The following GRM7 variants were observed in gnomAD, a reference collection of about 807,000 sequenced individuals.
GRM7 encodes glutamate metabotropic receptor 7.
Under a neutral mutation model 84.5 loss-of-function variants are expected in GRM7, and 35 were observed. That is an observed-to-expected ratio of 0.41 (90% CI 0.32 to 0.55). The LOEUF is 0.55. GRM7 is among the 20% of genes least tolerant of loss of function. The probability of loss-of-function intolerance (pLI) is 0.19; values close to 1 mark genes in which losing one functional copy is unlikely to be tolerated. For synonymous variants in GRM7, 487 were observed against 455.1 expected, an observed-to-expected ratio of 1.07 and a Z score of -0.89; for missense variants, 1,003 against 1,194.6, an observed-to-expected ratio of 0.84 and a Z score of 2.36.
chr3:7,448,196 G>A (rs1009748234), intron 5 of GRM7, among the ~76,000 whole-genome samples: 5 of 151,072 alleles, frequency 3.3e-5, no homozygotes, highest in Non-Finnish European at 7.4e-5. Flanking sequence ...TGTGAATAAT[G>A]CCGCAATAAA....
chr3:7,296,367 C>A (rs554823068), intron 2 of GRM7, among the ~76,000 whole-genome samples: 51 of 151,824 alleles, frequency 3.4e-4, no homozygotes, highest in Middle Eastern at 3.3e-3. Flanking sequence ...TTGGTAATAT[C>A]TTTTCCTGGT....
chr3:7,278,153 T>G (rs1699137531), intron 2 of GRM7, among the ~76,000 whole-genome samples: 1 of 152,036 alleles, frequency 6.6e-6, no homozygotes, highest in Admixed American at 6.6e-5. Context: ...GCACAAAGAC[T>G]TTACCTAAGA....
chr3:7,267,971 G>T (rs4095095), intron 2 of GRM7, among the ~76,000 whole-genome samples: 2 of 151,764 alleles, frequency 1.3e-5, no homozygotes, highest in African/African-American at 4.8e-5. Context: ...AGTTAGTGCC[G>T]TTAGAAAGAA....
At chr3:7,196,309 T>G (rs1695877271) in intron 2 of GRM7, among the ~76,000 whole-genome samples, 1 of 152,114 alleles carries the variant, frequency 6.6e-6, no homozygotes, top group Non-Finnish European at 1.5e-5. Context: ...TCCACCCATT[T>G]AAATGTTAAT....
intron 2 of GRM7, among the ~76,000 whole-genome samples, chr3:7,258,409 A>G (rs1167073074): frequency 6.6e-6 from 1 of 152,152 alleles, no homozygotes; most frequent in Non-Finnish European, 1.5e-5. Context: ...AAGAGGTAAC[A>G]TTACTGAAGA....
intron 1 of GRM7, among the ~76,000 whole-genome samples, chr3:6,881,326 G>T (rs1421260717): frequency 6.6e-6 from 1 of 151,948 alleles, no homozygotes; most frequent in Non-Finnish European, 1.5e-5. Context: ...AGTGTGTGTT[G>T]TTCCCCTCCC....
chr3:7,188,501 A>G lies in GRM7; in HGVS notation c.736+41833A>G, dbSNP rs1004388882. 6.6e-6 allele frequency among the ~76,000 whole-genome samples: 1 copy of G among 152,166 alleles called. No homozygotes were observed. Among genetic ancestry groups the G allele is most frequent in the Non-Finnish European group, 1.5e-5 (1 of 68,026 alleles). The stretch of plus-strand genomic sequence containing the variant: ...ATTTGAAAAGTAAAGTAAAATACCC[A>G]TCAGAGGCCTCAAAACCTAAAATAT... On this transcript the variant is annotated intron_variant, in intron 2 of 9. Transcript: ENST00000357716. The surrounding 1 kb of genome is among the most constrained non-coding windows in gnomAD (Gnocchi z 4.2).
chr3:7,616,832 C>T (rs73021818), intron 8 of GRM7, among the ~76,000 whole-genome samples: 23,078 of 151,920 alleles, frequency 0.15, 2,033 homozygotes, highest in Middle Eastern at 0.31. Flanking sequence ...GGATGAAAAA[C>T]CTGAAAATTT....
In GRM7 at chr3:7,233,125, C is replaced by A. The variant is rs116324025; in HGVS notation, c.737-65559C>A. ...AGGATATTTTTCTTAACTTCAAAAA[C>A]TGATTATATGTTCTTGAAATAGAGA... On this transcript the variant is annotated intron_variant, in intron 2 of 9. Coordinates refer to ENST00000357716, the MANE Select transcript of GRM7 (RefSeq NM_000844.4). 9.4e-3 allele frequency among the ~76,000 whole-genome samples: 1,436 copies of A among 152,208 alleles called. 16 individuals carry two copies. The highest frequency in any genetic ancestry group is 0.026 in the African/African-American group (1,070 of 41,552).
At chr3:7,638,257 A>G (rs1698192368) in intron 8 of GRM7, among the ~76,000 whole-genome samples, 1 of 152,198 alleles carries the variant, frequency 6.6e-6, no homozygotes, top group East Asian at 1.9e-4. Flanking sequence ...ATGAAAGTAG[A>G]AGCTCCATAA....
intron 5 of GRM7, among the ~76,000 whole-genome samples, chr3:7,415,515 C>T (rs1696124893): frequency 1.3e-5 from 2 of 152,206 alleles, no homozygotes; most frequent in South Asian, 4.1e-4. Context: ...TCGGATTTAA[C>T]TGTTACCATG....
chr3:7,601,889 G>C (rs1283242972), intron 8 of GRM7, among the ~76,000 whole-genome samples: 1 of 152,020 alleles, frequency 6.6e-6, no homozygotes, highest in Non-Finnish European at 1.5e-5. Context: ...GTAGTTGCCA[G>C]GGTAATGCCA....
At chr3:7,058,995 C>A (rs1697332201) in intron 1 of GRM7, among the ~76,000 whole-genome samples, 1 of 151,804 alleles carries the variant, frequency 6.6e-6, no homozygotes, top group Non-Finnish European at 1.5e-5. Context: ...TTAGGCTAAA[C>A]TGTGGGAGCT....
intron 8 of GRM7, among the ~76,000 whole-genome samples, chr3:7,643,294 T>C (rs6810385): frequency 0.87 from 131,633 of 151,458 alleles, 57,369 homozygotes; most frequent in African/African-American, 0.93. Flanking sequence ...ACTTCAGTAT[T>C]CACAAGGGCT....
chr3:7,668,300 A>C (rs1342577411), intron 8 of GRM7, among the ~76,000 whole-genome samples: 1 of 152,144 alleles, frequency 6.6e-6, no homozygotes, highest in Non-Finnish European at 1.5e-5. Flanking sequence ...TTGGAAATGG[A>C]ATCTCTATCT....
chr3:7,643,200 G>A (rs762066345), intron 8 of GRM7, among the ~76,000 whole-genome samples: 21 of 152,250 alleles, frequency 1.4e-4, no homozygotes, highest in Admixed American at 5.2e-4. Flanking sequence ...TGGTACCAGA[G>A]CTCTGGCTTC....
intron 1 of GRM7, among the ~76,000 whole-genome samples, chr3:7,100,347 T>C (rs1257612012): frequency 6.6e-6 from 1 of 151,736 alleles, no homozygotes; most frequent in East Asian, 1.9e-4. Flanking sequence ...ACTGTGTTAA[T>C]TGGCACCCCT....
intron 2 of GRM7, among the ~76,000 whole-genome samples, chr3:7,154,450 C>G (rs1229383636): frequency 6.6e-6 from 1 of 152,134 alleles, no homozygotes; most frequent in Non-Finnish European, 1.5e-5. Context: ...GCGATTCCTC[C>G]TCATCTCTTC....
chr3:7,087,634 C>A (rs1486741078), intron 1 of GRM7, among the ~76,000 whole-genome samples: 1 of 152,070 alleles, frequency 6.6e-6, no homozygotes, highest in Non-Finnish European at 1.5e-5. Context: ...ACTCTGTGTT[C>A]TAAAGCCTTC....
Sources: allele counts gnomAD v4.1 joint callset (sites outside exome capture counted in the v4.1 genomes callset), GRCh38; gene constraint gnomAD v4.1.1; non-coding constraint Gnocchi (gnomAD v3.1); transcripts MANE v1.5; gene names NCBI Gene and HGNC (gene_info 2026-07-23, HGNC 2026-07-21).